MAST4: variants seen among roughly 807,000 people sequenced by gnomAD.
The protein encoded by MAST4 is microtubule-associated serine/threonine-protein kinase 4.
A neutral mutation model predicts 162.7 loss-of-function variants in MAST4; 89 were observed. The ratio of observed to expected loss-of-function variants is 0.55; its 90% CI spans 0.46 to 0.65. The LOEUF is 0.65. Ranked by LOEUF, MAST4 falls within the 30% of genes least tolerant of loss-of-function variation. The pLI is 0.00. For synonymous variants in MAST4, 1,479 were observed against 1,361.1 expected, an observed-to-expected ratio of 1.09 and a Z score of -1.91; for missense variants, 3,153 against 3,374.0, an observed-to-expected ratio of 0.93 and a Z score of 1.62.
At chr5:66,625,005 G>A (rs1392283650) in intron 1 of MAST4, among the ~76,000 whole-genome samples, 2 of 151,856 alleles carry the variant, frequency 1.3e-5, no homozygotes, top group African/African-American at 2.4e-5. Context: ...AAAAAGCTTC[G>A]TCGTAGCAAA....
Position 66,759,729 on chromosome 5 carries a change from T to C in MAST4, c.384T>C (p.Pro128=), listed in dbSNP as rs769312321. 1.9e-6 allele frequency: 3 copies of C among 1,613,796 alleles called. No homozygotes were observed. The highest frequency in any genetic ancestry group is 1.7e-5 in the Admixed American group (1 of 60,002). ...TGCAGCTTGACCACATATTATCCCCTCCACCCATGCCGTTTCGGAAATGCA... is the reference window on the plus strand; with the variant it reads ...TGCAGCTTGACCACATATTATCCCCCCCACCCATGCCGTTTCGGAAATGCA... ...QDEELDHILS[P]PPMPFRKCSN... is the part of the protein sequence containing the mutation. The change falls in exon 2 of 29, where the codon CCT becomes CCC. Residue 128 remains proline (P), a synonymous_variant. Transcript: ENST00000403625.
At chr5:66,862,733 T>G (rs777440160) in intron 3 of MAST4, among the ~76,000 whole-genome samples, 3 of 152,170 alleles carry the variant, frequency 2.0e-5, no homozygotes, top group South Asian at 2.1e-4. Context: ...AAACAGAGTG[T>G]CTTGGATATT....
In MAST4 at chr5:67,166,955, C is replaced by T; in HGVS notation, c.7776C>T (p.Asp2592=). Residue 2592 remains aspartate (D), a synonymous_variant, in exon 29 of 29, where the codon GAC becomes GAT. Transcript: ENST00000403625. ...VTKPSPAPNT[D]RPISLSNEKD... ...AGCCATCCCCAGCCCCAAACACTGA[C>T]CGCCCCATCTCTCTTTCTAATGAGA... 6.2e-7 allele frequency: 1 copy of T among 1,612,600 alleles called. No individual in the cohort carries two copies. The highest frequency in any genetic ancestry group is 8.5e-7 in the Non-Finnish European group (1 of 1,179,710).
chr5:66,619,502 C>T (rs1743936874), intron 1 of MAST4, among the ~76,000 whole-genome samples: 1 of 152,050 alleles, frequency 6.6e-6, no homozygotes, highest in East Asian at 1.9e-4. Flanking sequence ...GATACATTCT[C>T]CTCATATACA....
At chr5:66,659,166 A>G (rs953334983) in intron 1 of MAST4, among the ~76,000 whole-genome samples, 11 of 152,166 alleles carry the variant, frequency 7.2e-5, no homozygotes, top group African/African-American at 2.7e-4. Context: ...GGTCCCTGGT[A>G]AAACCCTTCC....
At chr5:66,756,738 G>A (rs1753564596) in intron 1 of MAST4, among the ~76,000 whole-genome samples, 1 of 152,184 alleles carries the variant, frequency 6.6e-6, no homozygotes. Flanking sequence ...GAATAGTAAA[G>A]CCACTGACAA....
intron 18 of MAST4, among the ~76,000 whole-genome samples, chr5:67,136,022 C>G (rs1769598591): frequency 6.6e-6 from 1 of 151,652 alleles, no homozygotes; most frequent in African/African-American, 2.4e-5. Context: ...GCACTTTGAC[C>G]TGTTTGTTTG....
intron 4 of MAST4, chr5:66,930,827 C>T (rs1742114500): frequency 2.1e-6 from 1 of 469,570 alleles, no homozygotes; most frequent in Non-Finnish European, 4.4e-6. Context: ...TTACACAGTG[C>T]TGGACCTTTG....
chr5:67,152,918 AG>A, intron 25 of MAST4, 52 bp downstream of exon 25: 1 of 1,453,332 alleles, frequency 6.9e-7, no homozygotes, highest in Non-Finnish European at 9.6e-7. Context: ...GCCAAGCTGG[AG>A]AGTGGATAGG....
At chr5:67,034,680 G>A (rs1274279201) in intron 4 of MAST4, among the ~76,000 whole-genome samples, 6 of 152,152 alleles carry the variant, frequency 3.9e-5, no homozygotes, top group Middle Eastern at 3.2e-3. Context: ...TTGGATGTGA[G>A]ACACTTTATA....
chr5:66,872,085 G>A (rs1760971644), intron 3 of MAST4, among the ~76,000 whole-genome samples: 1 of 152,116 alleles, frequency 6.6e-6, no homozygotes, highest in Admixed American at 6.6e-5. Flanking sequence ...CTGATATAAT[G>A]CTAGTTTACC....
At chr5:66,893,067 A>G (rs1762458158) in intron 3 of MAST4, among the ~76,000 whole-genome samples, 1 of 152,220 alleles carries the variant, frequency 6.6e-6, no homozygotes, top group African/African-American at 2.4e-5. Flanking sequence ...GAAAGAAAGG[A>G]ATAAGGTAGC....
chr5:66,982,396 G>A (rs992772150), intron 4 of MAST4, among the ~76,000 whole-genome samples: 2 of 152,158 alleles, frequency 1.3e-5, no homozygotes, highest in African/African-American at 4.8e-5. Flanking sequence ...CGAGTGATCT[G>A]AATGTGTCTG....
chr5:67,149,005 G>A (rs959845889), intron 23 of MAST4, among the ~76,000 whole-genome samples: 3 of 152,250 alleles, frequency 2.0e-5, no homozygotes, highest in African/African-American at 7.2e-5. Context: ...GTGTTTGGGA[G>A]GTAATATTTG....
At chr5:67,084,176 C>T (rs1011772726) in intron 5 of MAST4, among the ~76,000 whole-genome samples, 1 of 152,198 alleles carries the variant, frequency 6.6e-6, no homozygotes, top group African/African-American at 2.4e-5. Flanking sequence ...CCACGCCCTA[C>T]ATGTTTTTCT....
At chr5:66,940,812 G>A (rs1476433792) in intron 4 of MAST4, among the ~76,000 whole-genome samples, 2 of 152,016 alleles carry the variant, frequency 1.3e-5, no homozygotes, top group Non-Finnish European at 2.9e-5. Flanking sequence ...ATCCATTAGA[G>A]GAATCATTAT....
At chr5:66,670,754 A>ATT (rs11383652) in intron 1 of MAST4, among the ~76,000 whole-genome samples, 42 of 146,188 alleles carry the variant, frequency 2.9e-4, no homozygotes, top group East Asian at 1.8e-3. Flanking sequence ...AGTAAGCATG[A>ATT]TTTTTTTTTT....
chr5:66,970,737 A>G (rs1747330131), intron 4 of MAST4, among the ~76,000 whole-genome samples: 7 of 152,238 alleles, frequency 4.6e-5, no homozygotes, highest in Admixed American at 4.6e-4. Flanking sequence ...GGAGCTTGCT[A>G]CATGCCTGGC....
chr5:67,166,960 C>G lies in MAST4; in HGVS notation c.7781C>G (p.Pro2594Arg), dbSNP rs745802491. Reference sequence around the variant, plus strand: ...TCCCCAGCCCCAAACACTGACCGCCCCATCTCTCTTTCTAATGAGAAGGAC... The same window carrying G: ...TCCCCAGCCCCAAACACTGACCGCCGCATCTCTCTTTCTAATGAGAAGGAC... ...KPSPAPNTDR[P>R]ISLSNEKDFV... The change falls in exon 29 of 29, where the codon CCC becomes CGC. Residue 2594 changes from proline to arginine, a missense_variant. Pro to Arg is a moderately radical substitution (Grantham distance 103, BLOSUM62 -2). Transcript: ENST00000403625. 19 of 1,612,694 alleles carry G rather than the reference C, an allele frequency of 1.2e-5. No individual in the cohort carries two copies. The South Asian group carries it at 2.1e-4, about 18-fold the overall frequency.
Sources: gnomAD v4.1 joint callset for allele counts (sites outside exome capture counted in the v4.1 genomes callset) on GRCh38, gnomAD v4.1.1 for gene constraint, MANE v1.5 for transcripts, NCBI Gene and HGNC (gene_info 2026-07-23, HGNC 2026-07-21) for gene names.